ZNF646: variants seen among roughly 807,000 people sequenced by gnomAD.
The protein encoded by ZNF646 is zinc finger protein 646.
ZNF646 carries 49 observed loss-of-function variants against 115.4 expected under a neutral mutation model. That is an observed-to-expected ratio of 0.42 (90% confidence interval 0.34 to 0.54). The LOEUF (loss-of-function observed/expected upper bound fraction) is 0.54, where lower values mean the gene tolerates loss of function less well. Among genes scored for constraint, ZNF646 ranks in the 20% least tolerant of loss-of-function variants. ZNF646 has a pLI of 0.04. For synonymous variants in ZNF646, 933 were observed against 939.0 expected (o/e 0.99, Z 0.12); for missense variants, 2,269 against 2,457.9 (o/e 0.92, Z 1.62).
At position 31,079,180 on chromosome 16, in the gene ZNF646, C is replaced by A. The variant is rs1218498998; in HGVS notation, c.2856C>A (p.Asp952Glu). The A allele has an allele frequency of 6.2e-7, 1 of 1,613,118 alleles. No homozygotes were observed. Among genetic ancestry groups the A allele is most frequent in the African/African-American group, 1.3e-5 (1 of 75,062 alleles). The change falls in exon 2 of 3, where the codon GAC (aspartate) becomes GAA (glutamate). Residue 952 changes from aspartate (D) to glutamate (E), a missense_variant. Around this residue, in one of 5 missense-constraint regions of ZNF646, gnomAD observed 852 missense variants for 900.2 expected, o/e 0.95. Coordinates refer to ENST00000300850, the MANE Select transcript of ZNF646 (RefSeq NM_014699.4). This position sits in a 1 kb window ranked among gnomAD's most constrained non-coding sequence, Gnocchi z 5.5. The stretch of plus-strand genomic sequence containing the variant: ...TGCAGCGGGAGGTGGAAGCGCTGGA[C>A]AGTGCAGGGTATGGGCACATCTGTG... ...NQLQREVEAL[D>E]SAGYGHICGC...
chr16:31,083,658 C>T lies in ZNF646; in HGVS notation c.*566C>T, dbSNP rs1370461373. On this transcript the variant is annotated 3_prime_UTR_variant, in exon 3 of 3. Coordinates refer to ENST00000300850, the MANE Select transcript of ZNF646 (RefSeq NM_014699.4). ...GGCACCTGTGGCCCCAGGCAGGTTC[C>T]TTCCCACAGCTGCTGGGCTTCTGGG... is the stretch of plus-strand genomic sequence containing the variant. The T allele has an allele frequency of 5.8e-6, 9 of 1,551,796 alleles. No individual in the cohort carries two copies. In the East Asian group the frequency reaches 2.1e-4, roughly 37 times the overall value.
chr16:31,077,411 C>G lies in ZNF646; in HGVS notation c.1087C>G (p.Leu363Val). 1 of 1,612,950 alleles carries G rather than the reference C, an allele frequency of 6.2e-7. No individual in the cohort carries two copies. The highest frequency in any genetic ancestry group is 8.5e-7 in the Non-Finnish European group (1 of 1,179,700). The change falls in exon 2 of 3, where the codon CTG (leucine) becomes GTG (valine). Residue 363 changes from leucine (L) to valine (V), a missense_variant. Physicochemically the swap from Leu to Val is conservative, Grantham distance 32. Around this residue, in one of 5 missense-constraint regions of ZNF646, gnomAD observed 852 missense variants for 900.2 expected, o/e 0.95. Transcript: ENST00000300850. ...GSAELSTSGE[L>V]EDSGLEEYRP... is the part of the protein sequence containing the mutation. ...TGCGGAGCTCAGCACCTCTGGGGAGCTGGAGGACAGTGGCCTGGAGGAATA... is the reference window on the plus strand; with the variant it reads ...TGCGGAGCTCAGCACCTCTGGGGAGGTGGAGGACAGTGGCCTGGAGGAATA...
chr16:31,076,187 A>G (rs1039532326), intron 1 of ZNF646, 59 bp from the exon 2 acceptor site: 52 of 1,203,224 alleles, frequency 4.3e-5, no homozygotes, highest in Middle Eastern at 4.1e-4. Flanking sequence ...TGTTGCTCGT[A>G]GAGCCAAGAG....
chr16:31,082,968 C>T lies in ZNF646; in HGVS notation c.5378-3C>T. Reference sequence around the variant, plus strand: ...TGGTGACCTCCTCTCTCTCTCCCCCCAGGAGCCCCAGTGGCACCAGTGACG... The same window carrying T: ...TGGTGACCTCCTCTCTCTCTCCCCCTAGGAGCCCCAGTGGCACCAGTGACG... On this transcript the variant is annotated splice_polypyrimidine_tract_variant and splice_region_variant and intron_variant, in intron 2 of 2. Transcript: ENST00000300850. The T allele has an allele frequency of 1.3e-6, 2 of 1,583,636 alleles. No homozygotes were observed. Among genetic ancestry groups the T allele is most frequent in the South Asian group, 1.1e-5 (1 of 87,718 alleles).
In ZNF646 at chr16:31,077,947, A is replaced by G. The variant is rs746444838; in HGVS notation, c.1623A>G (p.Pro541=). The G allele has an allele frequency of 6.2e-7, 1 of 1,613,956 alleles. No homozygotes were observed. Among genetic ancestry groups the G allele is most frequent in the Non-Finnish European group, 8.5e-7 (1 of 1,180,020 alleles). The change falls in exon 2 of 3, where the codon CCA becomes CCG. Residue 541 remains proline, a synonymous_variant. Coordinates refer to ENST00000300850, the MANE Select transcript of ZNF646 (RefSeq NM_014699.4). ...TCAAGGTAGAACTCCCGCCTGACCC[A>G]GTGGAGGCAGAGGCAGCCCCGCACA... is the stretch of plus-strand genomic sequence containing the variant. The part of the protein sequence containing the change: ...SHLKVELPPD[P]VEAEAAPHTD...
chr16:31,083,073 A>C lies in ZNF646; in HGVS notation c.5480A>C (p.Asp1827Ala). 6.2e-7 allele frequency: 1 copy of C among 1,602,670 alleles called. No individual in the cohort carries two copies. Among genetic ancestry groups the C allele is most frequent in the Non-Finnish European group, 8.5e-7 (1 of 1,175,624 alleles). The change falls in exon 3 of 3, where the codon GAC becomes GCC. Residue 1827 changes from aspartate to alanine, a missense_variant. Around this residue, in one of 5 missense-constraint regions of ZNF646, gnomAD observed 1,062 missense variants for 1,172.8 expected, o/e 0.91. Transcript: ENST00000300850. The part of the protein sequence containing the change: ...LLDPSPQWPA[D>A]LSFSL ...GATCCTTCACCCCAGTGGCCTGCAG[A>C]CCTCAGCTTCTCCCTCTGAACTTCA...
rs770101503 is a variant in ZNF646, at chr16:31,077,014, C to T, written c.690C>T (p.Ser230=). 2 of 1,613,992 alleles carry T rather than the reference C, an allele frequency of 1.2e-6. No homozygotes were observed. The highest frequency in any genetic ancestry group is 2.2e-5 in the South Asian group (2 of 91,080). The change falls in exon 2 of 3, where the codon TCC becomes TCT. Residue 230 remains serine (S), a synonymous_variant. Transcript: ENST00000300850. Reference sequence around the variant, plus strand: ...CAGGGGGCCAGGAGCCCACCCAGTCCCCTCCTGCTGAGGAGGAGCGGCGGT... The same window carrying T: ...CAGGGGGCCAGGAGCCCACCCAGTCTCCTCCTGCTGAGGAGGAGCGGCGGT... ...NFTGGQEPTQ[S]PPAEEERRYK...
chr16:31,074,656 G>T (rs567652769), intron 1 of ZNF646, 25 bp downstream of exon 1: 1 of 152,374 alleles, frequency 6.6e-6, no homozygotes, highest in East Asian at 1.9e-4. Context: ...GCGCAGGCGC[G>T]CTCTTGTTCG....
Position 31,083,024 on chromosome 16 carries a change from C to G in ZNF646, c.5431C>G (p.Pro1811Ala). ...AGGGGACTTGCCATTGCCCCCTCCACCCACCCCCACGACCCCACTCCTGGA... is the reference window on the plus strand; with the variant it reads ...AGGGGACTTGCCATTGCCCCCTCCAGCCACCCCCACGACCCCACTCCTGGA... ...GRGDLPLPPP[P>A]TPTTPLLDPS... Residue 1811 changes from proline (P) to alanine (A), a missense_variant, in exon 3 of 3, where the codon CCC (proline) becomes GCC (alanine). Pro to Ala is a conservative substitution (Grantham distance 27). Coordinates refer to ENST00000300850, the MANE Select transcript of ZNF646 (RefSeq NM_014699.4). 4 of 1,598,870 alleles carry G rather than the reference C, an allele frequency of 2.5e-6. No individual in the cohort carries two copies. Among genetic ancestry groups the G allele is most frequent in the Non-Finnish European group, 3.4e-6 (4 of 1,174,870 alleles).
At chr16:31,076,076 C>T in intron 1 of ZNF646, 170 bp from the exon 2 acceptor site, 1 of 462,964 alleles carries the variant, frequency 2.2e-6, no homozygotes, top group Non-Finnish European at 3.8e-6. Context: ...AGCTTGTGCA[C>T]AGGGAAGCCT....
At position 31,079,038 on chromosome 16, in the gene ZNF646, G is replaced by A; in HGVS notation, c.2714G>A (p.Ser905Asn). ...AGGCTTCACCGGCGCCAGGCCCACAGCTCCTCTGGCATGACTGAGGGCTCA... is the reference window on the plus strand; with the variant it reads ...AGGCTTCACCGGCGCCAGGCCCACAACTCCTCTGGCATGACTGAGGGCTCA... ...GYRLHRRQAH[S>N]SSGMTEGSEE... The change falls in exon 2 of 3, where the codon AGC becomes AAC. Residue 905 changes from serine (S) to asparagine (N), a missense_variant. Ser to Asn is a conservative substitution (Grantham distance 46, BLOSUM62 1). Coordinates refer to ENST00000300850, the MANE Select transcript of ZNF646 (RefSeq NM_014699.4). This position sits in a 1 kb window ranked among gnomAD's most constrained non-coding sequence, Gnocchi z 5.5. The A allele has an allele frequency of 6.3e-7, 1 of 1,583,768 alleles. No homozygotes were observed. The highest frequency in any genetic ancestry group is 8.6e-7 in the Non-Finnish European group (1 of 1,162,634).
rs755503182 is a variant in ZNF646 at position 31,080,459 on chromosome 16, T to C, written c.4135T>C (p.Leu1379=). ...CCGCAGCTTCCCTGGCCGGGGATCTTTGGAGCGGCACCTGCGGGAGCATGA... is the reference window on the plus strand; with the variant it reads ...CCGCAGCTTCCCTGGCCGGGGATCTCTGGAGCGGCACCTGCGGGAGCATGA... The part of the protein sequence containing the change: ...CGRSFPGRGS[L]ERHLREHEET... The change falls in exon 2 of 3, where the codon TTG becomes CTG. Residue 1379 remains leucine (L), a synonymous_variant. Coordinates refer to ENST00000300850, the MANE Select transcript of ZNF646 (RefSeq NM_014699.4). The C allele has an allele frequency of 2.0e-5, 32 of 1,613,250 alleles. No individual in the cohort carries two copies. In the South Asian group the frequency reaches 3.3e-4, roughly 17 times the overall value.
chr16:31,083,244 G>T lies in ZNF646; in HGVS notation c.*152G>T. ...CCAGATCTGGCTTCTTTCCCAAGGA[G>T]GGGGTGGGGTGTTCCTCGCGTCCCT... On this transcript the variant is annotated 3_prime_UTR_variant, in exon 3 of 3. Transcript: ENST00000300850. 8.1e-7 allele frequency: 1 copy of T among 1,232,956 alleles called. No homozygotes were observed. The allele number at this position is 1,232,956 out of a possible 1,614,324, so 76.4% of individuals were successfully genotyped here.
At position 31,080,826 on chromosome 16, in the gene ZNF646, G is replaced by C. The variant is rs1567411634; in HGVS notation, c.4502G>C (p.Gly1501Ala). 6.2e-7 allele frequency: 1 copy of C among 1,614,136 alleles called. No homozygotes were observed. The highest frequency in any genetic ancestry group is 8.5e-7 in the Non-Finnish European group (1 of 1,180,020). The change falls in exon 2 of 3, where the codon GGT becomes GCT. Residue 1501 changes from glycine (G) to alanine (A), a missense_variant. This residue lies in a region of ZNF646 where 1,062 missense variants were observed against 1,172.8 expected (regional missense o/e 0.91). Transcript: ENST00000300850. ...GTCCACAGGAGTCCTTGCCACGCTG[G>C]TGACTGCCAGCTCAATGGACCTACT... ...DSVHRSPCHA[G>A]DCQLNGPTLS...
At position 31,077,236 on chromosome 16, in the gene ZNF646, G is replaced by C. The variant is rs779022945; in HGVS notation, c.912G>C (p.Arg304=). ...YHCPHCPRVF[R]LPRELLEHQQ... is the part of the protein sequence containing the mutation. ...GTCCCCACTGCCCCCGTGTCTTCCGGCTCCCCCGGGAGCTGCTGGAACACC... is the reference window on the plus strand; with the variant it reads ...GTCCCCACTGCCCCCGTGTCTTCCGCCTCCCCCGGGAGCTGCTGGAACACC... Residue 304 remains arginine (R), a synonymous_variant, in exon 2 of 3, where the codon CGG becomes CGC. Coordinates refer to ENST00000300850, the MANE Select transcript of ZNF646 (RefSeq NM_014699.4). 4.3e-6 allele frequency: 7 copies of C among 1,614,096 alleles called. No individual in the cohort carries two copies. The highest frequency in any genetic ancestry group is 5.1e-6 in the Non-Finnish European group (6 of 1,179,998).
Position 31,076,435 on chromosome 16 carries a change from C to G in ZNF646, c.111C>G (p.Asp37Glu). The G allele has an allele frequency of 6.2e-7, 1 of 1,614,090 alleles. No homozygotes were observed. The highest frequency in any genetic ancestry group is 1.1e-5 in the South Asian group (1 of 91,078). ...TGCTCCATCCATCTCCCAACCAGGACAGTGAGGAGGCTGACAGCATCCCTC... is the reference window on the plus strand; with the variant it reads ...TGCTCCATCCATCTCCCAACCAGGAGAGTGAGGAGGCTGACAGCATCCCTC... ...RELLHPSPNQ[D>E]SEEADSIPRP... The change falls in exon 2 of 3, where the codon GAC (aspartate) becomes GAG (glutamate). Residue 37 changes from aspartate to glutamate, a missense_variant. Asp to Glu is a conservative substitution (Grantham distance 45). This residue lies in a region of ZNF646 where 334 missense variants were observed against 323.5 expected (regional missense o/e 1.03). Transcript: ENST00000300850.
chr16:31,078,154 A>G lies in ZNF646; in HGVS notation c.1830A>G (p.Thr610=), dbSNP rs1229393158. The G allele has an allele frequency of 2.5e-6, 4 of 1,614,098 alleles. No individual in the cohort carries two copies. The highest frequency in any genetic ancestry group is 3.4e-6 in the Non-Finnish European group (4 of 1,180,036). Residue 610 remains threonine, a synonymous_variant, in exon 2 of 3, where the codon ACA becomes ACG. Transcript: ENST00000300850. The stretch of plus-strand genomic sequence containing the variant: ...AGGAAAATAGCAGAACAGAGACCAC[A>G]ATGTCACCTCCTAGGGCCTTTGCCT... ...GEKENSRTET[T]MSPPRAFACR...
chr16:31,076,170 G>A, intron 1 of ZNF646, 76 bp from the exon 2 acceptor site: 1 of 1,014,350 alleles, frequency 9.9e-7, no homozygotes, highest in Non-Finnish European at 1.4e-6. Context: ...GTGACCTCAG[G>A]TGAACTTGTT....
chr16:31,078,908 G>A lies in ZNF646; in HGVS notation c.2584G>A (p.Ala862Thr). The change falls in exon 2 of 3, where the codon GCC becomes ACC. Residue 862 changes from alanine to threonine, a missense_variant. Ala to Thr is a moderately conservative substitution (Grantham distance 58). Around this residue, in one of 5 missense-constraint regions of ZNF646, gnomAD observed 852 missense variants for 900.2 expected, o/e 0.95. Coordinates refer to ENST00000300850, the MANE Select transcript of ZNF646 (RefSeq NM_014699.4). Reference protein sequence around the residue: ...LCPKEFDSLPALRSHFQNHRP... With the variant: ...LCPKEFDSLPTLRSHFQNHRP... Reference sequence around the variant, plus strand: ...CCCGAAGGAGTTTGACTCTCTGCCTGCCCTCCGCAGCCACTTCCAGAACCA... The same window carrying A: ...CCCGAAGGAGTTTGACTCTCTGCCTACCCTCCGCAGCCACTTCCAGAACCA... 4 of 1,613,622 alleles carry A rather than the reference G, an allele frequency of 2.5e-6. No individual in the cohort carries two copies. Among genetic ancestry groups the A allele is most frequent in the Non-Finnish European group, 3.4e-6 (4 of 1,180,032 alleles).
Sources: allele counts gnomAD v4.1 joint callset, GRCh38; gene constraint gnomAD v4.1.1; regional missense constraint gnomAD v4.1.1; non-coding constraint Gnocchi (gnomAD v3.1); transcripts MANE v1.5; gene names NCBI Gene and HGNC (gene_info 2026-07-23, HGNC 2026-07-21).